The following SP100 variants were observed in gnomAD, a reference collection of about 807,000 sequenced individuals.
The protein encoded by SP100 is nuclear autoantigen Sp-100.
SP100 carries 84 observed loss-of-function variants against 130.0 expected under a neutral mutation model. That is an observed-to-expected ratio of 0.65 (90% CI 0.54 to 0.77). The LOEUF (loss-of-function observed/expected upper bound fraction) is 0.77. Among genes scored for constraint, SP100 ranks in the 30% least tolerant of loss-of-function variants. The pLI, the probability that SP100 is intolerant of heterozygous loss-of-function variation, is 0.00. For missense variants in SP100, 978 were observed against 1,052.2 expected, an observed-to-expected ratio of 0.93 and a Z score of 0.97; for synonymous variants, 331 against 351.7, an observed-to-expected ratio of 0.94 and a Z score of 0.66.
chr2:230,416,216 A>C lies in SP100; in HGVS notation c.-81A>C, dbSNP rs922003756. On this transcript the variant is annotated 5_prime_UTR_variant, in exon 1 of 29. Coordinates refer to ENST00000340126, the MANE Select transcript of SP100 (RefSeq NM_001080391.2). ...CCGACTTCCTGCTTGGGGCCTGGGC[A>C]GCCACACTGCACGCAGGCTGGGCCG... The C allele has an allele frequency of 8.8e-7, 1 of 1,136,196 alleles. No homozygotes were observed. The highest frequency in any genetic ancestry group is 1.3e-6 in the Non-Finnish European group (1 of 760,876). 70.4% of individuals were successfully genotyped at this position (1,136,196 alleles called of 1,614,324 possible).
chr2:230,442,971 C>T lies in SP100; in HGVS notation c.142C>T (p.Leu48=). The change falls in exon 3 of 29, where the codon CTG becomes TTG. Residue 48 remains leucine, a synonymous_variant. Coordinates refer to ENST00000340126, the MANE Select transcript of SP100 (RefSeq NM_001080391.2). ...GGAAGACCAGGGTGTAGATGACAGG[C>T]TGCTCTATGACATTGTATTCAAGCA... ...FTEDQGVDDR[L]LYDIVFKHFK... 1 of 1,612,530 alleles carries T rather than the reference C, an allele frequency of 6.2e-7. No homozygotes were observed. Among genetic ancestry groups the T allele is most frequent in the Non-Finnish European group, 8.5e-7 (1 of 1,179,300 alleles).
intron 24 of SP100, chr2:230,515,716 A>C: frequency 1.3e-6 from 2 of 1,526,286 alleles, no homozygotes; most frequent in Non-Finnish European, 1.7e-6. Flanking sequence ...CTTTTAAAGA[A>C]AAAAACTTCA....
intron 21 of SP100, among the ~76,000 whole-genome samples, chr2:230,504,859 C>T (rs1689955908): frequency 6.6e-6 from 1 of 152,096 alleles, no homozygotes; most frequent in Non-Finnish European, 1.5e-5. Context: ...ATCGGTAGTT[C>T]CCAGATTACA....
intron 2 of SP100, among the ~76,000 whole-genome samples, chr2:230,436,365 T>C (rs1015672076): frequency 6.6e-6 from 1 of 152,146 alleles, no homozygotes; most frequent in African/African-American, 2.4e-5. Context: ...TGAATTGTAA[T>C]CCCCGTAATC....
In SP100 at chr2:230,507,962, C is replaced by G. The variant is rs1690248130; in HGVS notation, c.2014-31C>G. ...AGCTCACAAAATAAAAGCAAGAACC[C>G]ATCAAATCATTTATCTCTTTTCTTT... is the stretch of plus-strand genomic sequence containing the variant. On this transcript the variant is annotated intron_variant, in intron 22 of 28. Coordinates refer to ENST00000340126, the MANE Select transcript of SP100 (RefSeq NM_001080391.2). 7 of 1,607,202 alleles carry G rather than the reference C, an allele frequency of 4.4e-6. No individual in the cohort carries two copies. The South Asian group carries it at 6.6e-5, about 15-fold the overall frequency.
rs1193506734 is a variant in SP100, at chr2:230,460,592, C to CTTTTTTTT, written c.821-635_821-628dup. Among the ~76,000 whole-genome samples, 13 of 17,196 alleles carry CTTTTTTTT rather than the reference C, an allele frequency of 7.6e-4. 3 individuals are homozygous for CTTTTTTTT. The highest frequency in any genetic ancestry group is 1.5e-3 in the East Asian group (1 of 676). 11.3% of individuals were successfully genotyped at this position (17,196 alleles called of 152,430 possible). A position where few individuals can be genotyped will look rare whatever the true frequency, so the allele number is the denominator to read the frequency against. ...TGTCTGGGGTATTGGTAATCTGTTT[C>CTTTTTTTT]TTTTTTTTTTTTTTTTTTTTTTTTT... On this transcript the variant is annotated intron_variant, in intron 8 of 28. Coordinates refer to ENST00000340126, the MANE Select transcript of SP100 (RefSeq NM_001080391.2).
intron 2 of SP100, among the ~76,000 whole-genome samples, chr2:230,423,836 T>C (rs1460573201): frequency 6.6e-6 from 1 of 152,250 alleles, no homozygotes; most frequent in Non-Finnish European, 1.5e-5. Context: ...CTCTGTCCTT[T>C]GGTTGTTTAC....
chr2:230,469,495 C>A (rs769901956), intron 14 of SP100: 1 of 462,786 alleles, frequency 2.2e-6, no homozygotes, highest in South Asian at 1.6e-5. Context: ...GCGTAAGAAA[C>A]AACGTTGTCC....
chr2:230,425,729 G>A (rs1486960794), intron 2 of SP100, among the ~76,000 whole-genome samples: 1 of 150,864 alleles, frequency 6.6e-6, no homozygotes, highest in Non-Finnish European at 1.5e-5. Context: ...TTTTTTTCTT[G>A]TAGTATACTA....
chr2:230,508,493 T>G (rs1361326397), intron 23 of SP100: 1 of 153,106 alleles, frequency 6.5e-6, no homozygotes. Flanking sequence ...TTTTTTTGTA[T>G]TTTTAGTAGA....
At chr2:230,452,818 G>GTTTTT (rs371944455) in intron 8 of SP100, among the ~76,000 whole-genome samples, 3 of 122,042 alleles carry the variant, frequency 2.5e-5, no homozygotes, top group African/African-American at 6.2e-5. Context: ...AGTTCTAGCA[G>GTTTTT]TTTTTTTTTT....
chr2:230,540,676 C>A (rs1270381932), intron 25 of SP100, among the ~76,000 whole-genome samples, 200 bp from the exon 26 acceptor site: 1 of 152,122 alleles, frequency 6.6e-6, no homozygotes, highest in African/African-American at 2.4e-5. Flanking sequence ...CAGATGATCA[C>A]CCCTGCTATC....
chr2:230,437,855 C>A (rs2063341141), intron 2 of SP100, among the ~76,000 whole-genome samples: 2 of 151,994 alleles, frequency 1.3e-5, no homozygotes, highest in Admixed American at 1.3e-4. Context: ...TGCGCCCAGC[C>A]GTGTTCTCTG....
intron 19 of SP100, among the ~76,000 whole-genome samples, chr2:230,499,763 T>A (rs2066911607): frequency 6.6e-6 from 1 of 152,014 alleles, no homozygotes; most frequent in South Asian, 2.1e-4. Flanking sequence ...GACCTTCACC[T>A]TTACACTTCT....
At chr2:230,488,235 G>A (rs2066212289) in intron 17 of SP100, among the ~76,000 whole-genome samples, 1 of 152,174 alleles carries the variant, frequency 6.6e-6, no homozygotes, top group Non-Finnish European at 1.5e-5. Context: ...GAACGGGAGT[G>A]GAGAGAGAGG....
chr2:230,460,190 G>A (rs1180718447), intron 8 of SP100, among the ~76,000 whole-genome samples: 2 of 152,134 alleles, frequency 1.3e-5, no homozygotes, highest in African/African-American at 4.8e-5. Flanking sequence ...AAAACACATA[G>A]AAAAGAATGC....
Position 230,510,584 on chromosome 2 carries a change from C to T in SP100, c.2053-541C>T, listed in dbSNP as rs1690510548. On this transcript the variant is annotated intron_variant, in intron 23 of 28. Transcript: ENST00000340126. Reference sequence around the variant, plus strand: ...AGAGTGCAATGGTGCAATCTCAGCTCACTGCAACCTCCACCCCCCGGGTTC... The same window carrying T: ...AGAGTGCAATGGTGCAATCTCAGCTTACTGCAACCTCCACCCCCCGGGTTC... 3.4e-5 allele frequency: 5 copies of T among 148,648 alleles called. No individual in the cohort carries two copies. In the Admixed American group the frequency reaches 3.5e-4, roughly 10 times the overall value. 9.2% of individuals were successfully genotyped at this position (148,648 alleles called of 1,614,324 possible). A position where few individuals can be genotyped will look rare whatever the true frequency, so the allele number is the denominator to read the frequency against.
In SP100 at chr2:230,473,325, A is replaced by G. The variant is rs755066753; in HGVS notation, c.1431A>G (p.Gly477=). 1 of 1,609,082 alleles carries G rather than the reference A, an allele frequency of 6.2e-7. No homozygotes were observed. Among genetic ancestry groups the G allele is most frequent in the Non-Finnish European group, 8.5e-7 (1 of 1,175,734 alleles). ...AAATGTTTACAAATCACAATTTAGG[A>G]TCACAGCCACAAGAACCTGAAAATA... is the stretch of plus-strand genomic sequence containing the variant. ...TCSSSLRRGS[G]SQPQEPENKK... Residue 477 remains glycine, a splice_region_variant and synonymous_variant, in exon 16 of 29, where the codon GGA becomes GGG. Transcript: ENST00000340126.
intron 2 of SP100, among the ~76,000 whole-genome samples, chr2:230,424,629 ACTGCACTC>A (rs2062866066): frequency 6.7e-6 from 1 of 148,418 alleles, no homozygotes. Flanking sequence ...ATATCGCACC[ACTGCACTC>A]CAGCCTGGGC....
Sources: allele counts gnomAD v4.1 joint callset (sites outside exome capture counted in the v4.1 genomes callset), GRCh38; gene constraint gnomAD v4.1.1; transcripts MANE v1.5; gene names NCBI Gene and HGNC (gene_info 2026-07-23, HGNC 2026-07-21).